LTBP1: variants seen among roughly 807,000 people sequenced by gnomAD.
LTBP1 encodes the protein latent-transforming growth factor beta-binding protein 1.
A neutral mutation model predicts 207.6 loss-of-function variants in LTBP1; 129 were observed. The ratio of observed to expected loss-of-function variants is 0.62; its 90% confidence interval spans 0.54 to 0.72. LTBP1 has a LOEUF of 0.72. LTBP1 is among the 30% of genes least tolerant of loss of function. The probability of loss-of-function intolerance (pLI) is 0.00; values close to 1 mark genes in which losing one functional copy is unlikely to be tolerated. For synonymous variants in LTBP1, 963 were observed against 833.7 expected, an observed-to-expected ratio of 1.16 and a Z score of -2.67; for missense variants, 2,281 against 2,217.2, an observed-to-expected ratio of 1.03 and a Z score of -0.58.
intron 9 of LTBP1, among the ~76,000 whole-genome samples, chr2:33,237,769 G>C (rs975184206): frequency 6.6e-6 from 1 of 152,194 alleles, no homozygotes; most frequent in Non-Finnish European, 1.5e-5. Flanking sequence ...TTTCAAGACA[G>C]TGTTCTTAGA....
At chr2:33,168,281 G>A (rs1314274323) in intron 5 of LTBP1, among the ~76,000 whole-genome samples, 1 of 151,920 alleles carries the variant, frequency 6.6e-6, no homozygotes, top group Non-Finnish European at 1.5e-5. Flanking sequence ...TACTTGGGAG[G>A]CTGAGGCAGG....
At position 33,285,081 on chromosome 2, in the gene LTBP1, G is replaced by A. The variant is rs181694443; in HGVS notation, c.3112+4923G>A. ...TCTGAGATGGAGTCTCACTCTTGTC[G>A]CCCAGGCTGGAGTGCAATGGCGTGA... On this transcript the variant is annotated intron_variant, in intron 19 of 33. Coordinates refer to ENST00000404816, the MANE Select transcript of LTBP1 (RefSeq NM_206943.4). Among the ~76,000 whole-genome samples the A allele has an allele frequency of 7.2e-3, 978 of 135,078 alleles. 7 individuals are homozygous for A. The highest frequency in any genetic ancestry group is 0.025 in the African/African-American group (869 of 35,344). The allele number at this position is 135,078 out of a possible 152,430, so 88.6% of individuals were successfully genotyped here.
At chr2:33,121,416 A>G (rs1417941037) in intron 4 of LTBP1, among the ~76,000 whole-genome samples, 1 of 152,120 alleles carries the variant, frequency 6.6e-6, no homozygotes, top group Non-Finnish European at 1.5e-5. Context: ...AGAGCAGGTG[A>G]AAGGGCGGTG....
chr2:33,044,280 A>G (rs939954040), intron 3 of LTBP1, among the ~76,000 whole-genome samples: 7 of 151,792 alleles, frequency 4.6e-5, no homozygotes, highest in African/African-American at 1.5e-4. Context: ...CTACCCACTG[A>G]CAGGCCCTGG....
chr2:33,047,525 T>C (rs911783075), intron 3 of LTBP1, among the ~76,000 whole-genome samples: 6 of 152,204 alleles, frequency 3.9e-5, no homozygotes, highest in African/African-American at 7.2e-5. Flanking sequence ...GAGGAGTGTT[T>C]TACCTCCAGT....
At chr2:33,148,782 C>T (rs2083262879) in intron 5 of LTBP1, among the ~76,000 whole-genome samples, 1 of 152,196 alleles carries the variant, frequency 6.6e-6, no homozygotes, top group South Asian at 2.1e-4. Context: ...TAGTTCTCAA[C>T]TGGGGCAGTT....
intron 5 of LTBP1, among the ~76,000 whole-genome samples, chr2:33,184,287 A>G (rs537417325): frequency 6.6e-6 from 1 of 152,262 alleles, no homozygotes; most frequent in South Asian, 2.1e-4. Context: ...TACTGATAAC[A>G]GAATAAAACC....
At chr2:33,309,890 T>TCATA (rs1433780278) in intron 23 of LTBP1, among the ~76,000 whole-genome samples, 3 of 152,034 alleles carry the variant, frequency 2.0e-5, no homozygotes, top group African/African-American at 7.2e-5. Flanking sequence ...TTATTTTGTC[T>TCATA]CATAGGTGGT....
intron 7 of LTBP1, among the ~76,000 whole-genome samples, chr2:33,208,652 C>T (rs926030658): frequency 5.9e-5 from 9 of 152,160 alleles, no homozygotes; most frequent in African/African-American, 1.4e-4. Flanking sequence ...TGCCCTGCCA[C>T]GTAGCTCCTT....
At chr2:32,972,483 G>T (rs1035180637) in intron 2 of LTBP1, among the ~76,000 whole-genome samples, 2 of 151,810 alleles carry the variant, frequency 1.3e-5, no homozygotes, top group Non-Finnish European at 1.5e-5. Flanking sequence ...AGAGATTCTG[G>T]TATGTTGTAT....
intron 9 of LTBP1, among the ~76,000 whole-genome samples, chr2:33,237,542 A>G (rs545329879): frequency 6.6e-6 from 1 of 152,352 alleles, no homozygotes; most frequent in African/African-American, 2.4e-5. Flanking sequence ...TTTCTGGCAC[A>G]TTTATATTGT....
intron 2 of LTBP1, among the ~76,000 whole-genome samples, chr2:32,986,990 C>A (rs958974097): frequency 6.6e-6 from 1 of 152,044 alleles, no homozygotes; most frequent in Admixed American, 6.6e-5. Flanking sequence ...AGGGTTGTGG[C>A]GATGGGGGTG....
intron 9 of LTBP1, among the ~76,000 whole-genome samples, chr2:33,233,134 C>G (rs928998404): frequency 6.6e-6 from 1 of 152,136 alleles, no homozygotes; most frequent in African/African-American, 2.4e-5. Flanking sequence ...TCAAATATCA[C>G]TTTCCACCAT....
At chr2:33,241,689 G>A (rs1313520016) in intron 9 of LTBP1, among the ~76,000 whole-genome samples, 3 of 152,170 alleles carry the variant, frequency 2.0e-5, no homozygotes, top group African/African-American at 7.2e-5. Context: ...AGGATATGAG[G>A]GGAAATAGAA....
At position 33,366,127 on chromosome 2, in the gene LTBP1, G is replaced by A. The variant is rs1033294837; in HGVS notation, c.4711+624G>A. ...TCCCAGTTTGGAGGAGGCCTGGAAG[G>A]TGCTGGCTTTGTGCTTCCTGGCTAG... On this transcript the variant is annotated intron_variant, in intron 31 of 33. Coordinates refer to ENST00000404816, the MANE Select transcript of LTBP1 (RefSeq NM_206943.4). Among the ~76,000 whole-genome samples, 3 of 152,200 alleles carry A rather than the reference G, an allele frequency of 2.0e-5. No individual in the cohort carries two copies. The South Asian group carries it at 6.2e-4, about 31-fold the overall frequency.
chr2:33,228,727 GTCTTAC>G (rs2091608067), intron 9 of LTBP1, among the ~76,000 whole-genome samples: 1 of 36,760 alleles, frequency 2.7e-5, no homozygotes, highest in Non-Finnish European at 6.2e-5. Flanking sequence ...TTGAGATGGA[GTCTTAC>G]TCTGTCGCCA....
chr2:33,278,381 G>A (rs1443488309), intron 18 of LTBP1, among the ~76,000 whole-genome samples: 1 of 152,102 alleles, frequency 6.6e-6, no homozygotes, highest in Non-Finnish European at 1.5e-5. Context: ...GCCAAGAAAC[G>A]CGGCTGTTTT....
chr2:32,947,483 A>C lies in LTBP1; in HGVS notation c.159A>C (p.Thr53=), dbSNP rs1459964107. Residue 53 remains threonine, a synonymous_variant, in exon 1 of 34, where the codon ACA becomes ACC. Coordinates refer to ENST00000404816, the MANE Select transcript of LTBP1 (RefSeq NM_206943.4). ...LPLSGPPRSR[T]FNVALNARYS... ...TGAGCGGGCCCCCGCGTTCGCGGAC[A>C]TTCAACGTCGCGCTCAACGCCAGGT... 8.3e-6 allele frequency: 12 copies of C among 1,444,744 alleles called. No homozygotes were observed. The South Asian group carries it at 1.3e-4, about 16-fold the overall frequency. 89.5% of individuals were successfully genotyped at this position (1,444,744 alleles called of 1,614,324 possible).
In LTBP1 at chr2:32,947,453, G is replaced by T. The variant is rs1048738052; in HGVS notation, c.129G>T (p.Leu43Phe). The change falls in exon 1 of 34, where the codon TTG (leucine) becomes TTT (phenylalanine). Residue 43 changes from leucine to phenylalanine, a missense_variant. Around this residue, in one of 3 missense-constraint regions of LTBP1, gnomAD observed 555 missense variants for 491.0 expected, o/e 1.13. Coordinates refer to ENST00000404816, the MANE Select transcript of LTBP1 (RefSeq NM_206943.4). ...HPGPGLAAGA[L>F]PLSGPPRSRT... Reference sequence around the variant, plus strand: ...GCCCCGGCCTGGCAGCCGGCGCCTTGCCCCTGAGCGGGCCCCCGCGTTCGC... The same window carrying T: ...GCCCCGGCCTGGCAGCCGGCGCCTTTCCCCTGAGCGGGCCCCCGCGTTCGC... The T allele has an allele frequency of 7.6e-5, 110 of 1,442,914 alleles. 1 individual carries two copies. Among genetic ancestry groups the T allele is most frequent in the Non-Finnish European group, 9.7e-5 (107 of 1,100,532 alleles). 89.4% of individuals were successfully genotyped at this position (1,442,914 alleles called of 1,614,324 possible).
Sources: gnomAD v4.1 joint callset for allele counts (sites outside exome capture counted in the v4.1 genomes callset) on GRCh38, gnomAD v4.1.1 for gene constraint, gnomAD v4.1.1 regional missense constraint, MANE v1.5 for transcripts, NCBI Gene and HGNC (gene_info 2026-07-23, HGNC 2026-07-21) for gene names.